The following PUDP variants were observed in gnomAD, a reference collection of about 807,000 sequenced individuals.
PUDP encodes the protein pseudouridine 5'-phosphatase, also known as pseudouridine-5'-phosphatase.
PUDP carries 8 observed loss-of-function variants against 9.4 expected under a neutral mutation model. The observed-to-expected ratio is 0.85, with a 90% CI of 0.50 to 1.53. PUDP has a LOEUF of 1.53. Among genes scored for constraint, PUDP ranks in the 40% most tolerant of loss-of-function variants. PUDP has a pLI of 0.00. For missense variants in PUDP, 188 were observed against 189.7 expected (o/e 0.99, Z 0.05); for synonymous variants, 99 against 80.7 (o/e 1.23, Z -1.22).
chrX:7,009,552 A>G (rs900285786), intron 1 of PUDP, among the ~76,000 whole-genome samples: 17 of 112,063 alleles, frequency 1.5e-4, no homozygotes, highest in Non-Finnish European at 2.6e-4. Context: ...ATACAAATCA[A>G]TCTAGCAAGG....
chrX:7,016,175 T>TA (rs1214403895), intron 1 of PUDP, among the ~76,000 whole-genome samples: 104 of 104,867 alleles, frequency 9.9e-4, no homozygotes, highest in Non-Finnish European at 1.3e-3. Context: ...TGCAAAAAAT[T>TA]AAAAAAAAAA....
chrX:6,966,790 C>T, intron 3 of PUDP, among the ~76,000 whole-genome samples: 1 of 111,261 alleles, frequency 9.0e-6, no homozygotes. Flanking sequence ...CTCAAGTGAC[C>T]CTCCTGCCTC....
intron 3 of PUDP, among the ~76,000 whole-genome samples, chrX:6,781,265 G>A (rs899745239): frequency 9.0e-6 from 1 of 110,959 alleles, no homozygotes; most frequent in African/African-American, 3.3e-5. Context: ...AACTTTTATG[G>A]GTCTGATATT....
At chrX:6,726,710 T>C (rs1380079441) in intron 3 of PUDP, among the ~76,000 whole-genome samples, 2 of 111,921 alleles carry the variant, frequency 1.8e-5, no homozygotes, top group African/African-American at 6.5e-5. Flanking sequence ...AAGGGAGATT[T>C]TTTTAATGTG....
At chrX:6,769,630 T>G (rs1173637606) in intron 3 of PUDP, among the ~76,000 whole-genome samples, 1 of 112,217 alleles carries the variant, frequency 8.9e-6, no homozygotes, top group Non-Finnish European at 1.9e-5. Flanking sequence ...CACTGGTGTT[T>G]CGAGTTCATC....
intron 3 of PUDP, among the ~76,000 whole-genome samples, chrX:6,765,904 G>A (rs957849318): frequency 1.8e-5 from 2 of 111,572 alleles, no homozygotes; most frequent in African/African-American, 3.3e-5. Flanking sequence ...AAGGCCAAAC[G>A]GGGTAAATCT....
chrX:6,892,152 A>G (rs1221662136), intron 3 of PUDP, among the ~76,000 whole-genome samples: 2 of 112,049 alleles, frequency 1.8e-5, no homozygotes, highest in African/African-American at 6.5e-5. Context: ...TCTAACTCAA[A>G]TATTGCTTGA....
intron 3 of PUDP, among the ~76,000 whole-genome samples, chrX:6,862,163 C>T (rs1927011706): frequency 9.0e-6 from 1 of 111,704 alleles, no homozygotes; most frequent in Non-Finnish European, 1.9e-5. Flanking sequence ...ATTCAGAATG[C>T]CAAACAAAAT....
intron 3 of PUDP, among the ~76,000 whole-genome samples, chrX:6,751,332 T>A (rs1307090756): frequency 9.0e-6 from 1 of 111,600 alleles, no homozygotes; most frequent in Non-Finnish European, 1.9e-5. Flanking sequence ...TTGCTATAGA[T>A]GGATTCCCTT....
intron 3 of PUDP, among the ~76,000 whole-genome samples, chrX:6,760,182 T>C (rs903190808): frequency 8.9e-6 from 1 of 111,975 alleles, no homozygotes; most frequent in Non-Finnish European, 1.9e-5. Context: ...GGGAGAGTGC[T>C]GAAATTTGTT....
intron 3 of PUDP, among the ~76,000 whole-genome samples, chrX:6,921,785 C>T (rs1245880337): frequency 1.8e-5 from 2 of 110,982 alleles, no homozygotes; most frequent in African/African-American, 6.6e-5. Flanking sequence ...TTGGCCCTAT[C>T]ACCTTTCACT....
chrX:6,959,338 C>CTGCTTCCCACA (rs1355835004), intron 3 of PUDP, among the ~76,000 whole-genome samples: 1 of 111,663 alleles, frequency 9.0e-6, no homozygotes, highest in Non-Finnish European at 1.9e-5. Context: ...CCTGAAGTGT[C>CTGCTTCCCACA]TGCTTCCCAC....
chrX:7,075,211 G>A (rs1014929203), intron 3 of PUDP, among the ~76,000 whole-genome samples: 4 of 111,988 alleles, frequency 3.6e-5, no homozygotes, highest in African/African-American at 9.7e-5. Flanking sequence ...CCAAATATGC[G>A]ATTAGAAGAT....
At chrX:6,804,683 C>A (rs146677281) in intron 3 of PUDP, among the ~76,000 whole-genome samples, 2,288 of 111,315 alleles carry the variant, frequency 0.021, 23 homozygotes, top group South Asian at 0.047. Flanking sequence ...AGATCCTCTT[C>A]TTTAAAGGAT....
At chrX:6,968,033 A>T (rs1928813611) in intron 3 of PUDP, among the ~76,000 whole-genome samples, 1 of 112,364 alleles carries the variant, frequency 8.9e-6, no homozygotes, top group Admixed American at 9.4e-5. Context: ...CCCTGTTTCT[A>T]CATGCTGTCC....
At chrX:6,787,217 C>T (rs1925662464) in intron 3 of PUDP, among the ~76,000 whole-genome samples, 1 of 111,416 alleles carries the variant, frequency 9.0e-6, no homozygotes, top group African/African-American at 3.3e-5. Flanking sequence ...TCTTGAATAG[C>T]CTAAAAAAAA....
At chrX:6,737,803 C>A (rs1924891282) in intron 3 of PUDP, among the ~76,000 whole-genome samples, 1 of 111,519 alleles carries the variant, frequency 9.0e-6, no homozygotes, top group Non-Finnish European at 1.9e-5. Context: ...GTTGGCACAA[C>A]TTTGTCTCCT....
At chrX:6,778,368 A>C (rs1405105240) in intron 3 of PUDP, among the ~76,000 whole-genome samples, 1 of 112,390 alleles carries the variant, frequency 8.9e-6, no homozygotes, top group Non-Finnish European at 1.9e-5. Context: ...TGAGCTGAAA[A>C]ACCAGGATGA....
intron 1 of PUDP, among the ~76,000 whole-genome samples, chrX:7,120,761 G>A (rs1932320549): frequency 8.9e-6 from 1 of 112,302 alleles, no homozygotes; most frequent in African/African-American, 3.2e-5. Context: ...AGCCAAGACT[G>A]TCAATAGGTC....
Sources: allele counts gnomAD v4.1 joint callset (sites outside exome capture counted in the v4.1 genomes callset), GRCh38; gene constraint gnomAD v4.1.1; transcripts MANE v1.5; gene names NCBI Gene and HGNC (gene_info 2026-07-23, HGNC 2026-07-21).